USP34: variants seen among roughly 807,000 people sequenced by gnomAD.
USP34 encodes the protein ubiquitin carboxyl-terminal hydrolase 34.
In USP34, 70 loss-of-function variants were observed where a neutral mutation model predicts 460.3. The observed-to-expected ratio is 0.15, with a 90% confidence interval of 0.13 to 0.19. USP34 has a LOEUF of 0.19. USP34 is among the 10% of genes least tolerant of loss of function. The probability of loss-of-function intolerance (pLI) is 1.00; values close to 1 mark genes in which losing one functional copy is unlikely to be tolerated. For synonymous variants in USP34, 1,647 were observed against 1,405.3 expected (o/e 1.17, Z -3.85); for missense variants, 3,985 against 4,236.2 (o/e 0.94, Z 1.65).
intron 57 of USP34, among the ~76,000 whole-genome samples, chr2:61,234,671 C>A (rs1376842207): frequency 6.6e-6 from 1 of 152,126 alleles, no homozygotes; most frequent in African/African-American, 2.4e-5. Context: ...GACAGAGTCT[C>A]ACTCTGTCGC....
intron 78 of USP34, 139 bp from the exon 79 acceptor site, chr2:61,189,208 A>C: frequency 1.1e-6 from 1 of 897,062 alleles, no homozygotes; most frequent in South Asian, 2.0e-5. Context: ...GGATTCTTAG[A>C]ATGATAAAAC....
At chr2:61,431,026 A>G (rs1694661609) in intron 1 of USP34, among the ~76,000 whole-genome samples, 1 of 152,096 alleles carries the variant, frequency 6.6e-6, no homozygotes, top group Admixed American at 6.6e-5. Flanking sequence ...AATAGAAAAG[A>G]AATGAAACGA....
intron 67 of USP34, among the ~76,000 whole-genome samples, chr2:61,215,291 A>C (rs999576068): frequency 1.3e-5 from 2 of 152,238 alleles, no homozygotes; most frequent in Non-Finnish European, 2.9e-5. Context: ...ACACCAAAGG[A>C]AAGAACTGGG....
In USP34 at chr2:61,288,704, C is replaced by A. The variant is rs1260509354; in HGVS notation, c.4722G>T (p.Lys1574Asn). Residue 1574 changes from lysine (K) to asparagine (N), a missense_variant, in exon 34 of 80, where the codon AAG becomes AAT. Lys to Asn is a moderately conservative substitution (Grantham distance 94, BLOSUM62 0). Around this residue, in one of 14 missense-constraint regions of USP34, gnomAD observed 1,114 missense variants for 1,122.5 expected, o/e 0.99. Coordinates refer to ENST00000398571, the MANE Select transcript of USP34 (RefSeq NM_014709.4). Reference protein sequence around the residue: ...KSRKAAGDHAKGLHIPRLTEV... With the variant: ...KSRKAAGDHANGLHIPRLTEV... ...CTGTTAATCGTGGTATATGAAGACC[C>A]TTAGCATGATCACCAGCAGCCTTCC... 1 of 1,613,942 alleles carries A rather than the reference C, an allele frequency of 6.2e-7. No homozygotes were observed. The highest frequency in any genetic ancestry group is 8.5e-7 in the Non-Finnish European group (1 of 1,179,920).
chr2:61,462,154 G>A (rs190523139), intron 1 of USP34, among the ~76,000 whole-genome samples: 196 of 151,526 alleles, frequency 1.3e-3, no homozygotes, highest in Admixed American at 3.6e-3. Flanking sequence ...CAGGAAAATC[G>A]CTTGAACCCG....
At chr2:61,381,260 AAT>A (rs1475544238) in intron 6 of USP34, among the ~76,000 whole-genome samples, 1 of 126,480 alleles carries the variant, frequency 7.9e-6, no homozygotes, top group Non-Finnish European at 1.7e-5. Flanking sequence ...ACTAAAAAAA[AAT>A]AAAACACACA....
chr2:61,308,524 A>C (rs1380865637), intron 27 of USP34, among the ~76,000 whole-genome samples: 1 of 152,208 alleles, frequency 6.6e-6, no homozygotes, highest in East Asian at 1.9e-4. Context: ...GATATGTTCC[A>C]TAAGGAGAGA....
intron 49 of USP34, among the ~76,000 whole-genome samples, chr2:61,247,826 G>C (rs545856546): frequency 6.6e-6 from 1 of 151,926 alleles, no homozygotes; most frequent in Admixed American, 6.6e-5. Context: ...ACAGAGTCTC[G>C]CTCTGTCGCC....
chr2:61,189,091 C>T, intron 78 of USP34, 22 bp from the exon 79 acceptor site: 1 of 1,598,214 alleles, frequency 6.3e-7, no homozygotes, highest in East Asian at 2.2e-5. Flanking sequence ...CAGATAGGAA[C>T]ATTTCAAATT....
intron 2 of USP34, among the ~76,000 whole-genome samples, chr2:61,414,190 G>C (rs182687342): frequency 7.2e-5 from 11 of 151,920 alleles, no homozygotes; most frequent in Non-Finnish European, 1.5e-4. Flanking sequence ...AGGAGGCAGA[G>C]GATGCCGAGA....
chr2:61,345,267 G>T (rs1345905394), intron 15 of USP34, among the ~76,000 whole-genome samples: 1 of 134,588 alleles, frequency 7.4e-6, no homozygotes, highest in Non-Finnish European at 1.7e-5. Context: ...GAGTGTGACT[G>T]TGTTTAAAAA....
Position 61,338,563 on chromosome 2 carries a change from G to A in USP34, c.2744+788C>T, listed in dbSNP as rs535956712. ...ACAATCATAGCAGGCCTACACAGATGTGAGCAGAAAACAATATATTAATAA... is the reference window on the plus strand; with the variant it reads ...ACAATCATAGCAGGCCTACACAGATATGAGCAGAAAACAATATATTAATAA... On this transcript the variant is annotated intron_variant, in intron 18 of 79. Coordinates refer to ENST00000398571, the MANE Select transcript of USP34 (RefSeq NM_014709.4). Among the ~76,000 whole-genome samples, 23 of 152,296 alleles carry A rather than the reference G, an allele frequency of 1.5e-4. 1 individual carries two copies. In the South Asian group the frequency reaches 3.5e-3, roughly 23 times the overall value.
chr2:61,459,670 A>G (rs556994659), intron 1 of USP34, among the ~76,000 whole-genome samples: 1 of 151,588 alleles, frequency 6.6e-6, no homozygotes, highest in Admixed American at 6.6e-5. Context: ...CCAGCTACTC[A>G]GGAGGCTGAG....
chr2:61,220,425 A>G lies in USP34; in HGVS notation c.7932T>C (p.Asp2644=), dbSNP rs1687526364. 8 of 1,613,550 alleles carry G rather than the reference A, an allele frequency of 5.0e-6. No individual in the cohort carries two copies. The highest frequency in any genetic ancestry group is 2.7e-5 in the African/African-American group (2 of 74,906). ...VIEYNPSQCL[D]WLAVQTPRNK... is the part of the protein sequence containing the mutation. Reference sequence around the variant, plus strand: ...TTCGGGGTGTCTGCACTGCCAACCAATCTAGACACTGAGAAGGATTGTATT... The same window carrying G: ...TTCGGGGTGTCTGCACTGCCAACCAGTCTAGACACTGAGAAGGATTGTATT... The change falls in exon 67 of 80, where the codon GAT becomes GAC. Residue 2644 remains aspartate (D), a synonymous_variant. Coordinates refer to ENST00000398571, the MANE Select transcript of USP34 (RefSeq NM_014709.4).
chr2:61,187,929 GT>G lies in USP34; in HGVS notation c.*172del. 6 of 1,431,098 alleles carry G rather than the reference GT, an allele frequency of 4.2e-6. No homozygotes were observed. In the South Asian group the frequency reaches 6.5e-5, roughly 15 times the overall value. The allele number at this position is 1,431,098 out of a possible 1,614,324, so 88.6% of individuals were successfully genotyped here. ...TTTAGGAAGTATACTGAAGATGCAAGTTTTTTTCATCTGGAGTTCTGCCTGA... is the reference window on the plus strand; with the variant it reads ...TTTAGGAAGTATACTGAAGATGCAAGTTTTTTCATCTGGAGTTCTGCCTGA... On this transcript the variant is annotated 3_prime_UTR_variant, in exon 80 of 80. Coordinates refer to ENST00000398571, the MANE Select transcript of USP34 (RefSeq NM_014709.4).
intron 1 of USP34, among the ~76,000 whole-genome samples, chr2:61,436,421 G>A (rs920440172): frequency 6.6e-6 from 1 of 152,114 alleles, no homozygotes; most frequent in African/African-American, 2.4e-5. Flanking sequence ...ACATATATCA[G>A]ACAAAACAGA....
At chr2:61,280,179 A>G (rs933395838) in intron 39 of USP34, 65 bp downstream of exon 39, 31 of 944,238 alleles carry the variant, frequency 3.3e-5, no homozygotes, top group Non-Finnish European at 1.5e-6. Flanking sequence ...AGTCATGAAC[A>G]TATGTCATAA....
At position 61,301,291 on chromosome 2, in the gene USP34, C is replaced by T. The variant is rs369307308; in HGVS notation, c.3918+63G>A. 6.3e-5 allele frequency: 97 copies of T among 1,548,698 alleles called. 1 individual carries two copies. Among genetic ancestry groups the T allele is most frequent in the South Asian group, 5.3e-4 (45 of 84,592 alleles). The stretch of plus-strand genomic sequence containing the variant: ...AAGAGCTGTTTTTAAACTACATCTG[C>T]GACTATTCAACTGATGATTATAAAC... On this transcript the variant is annotated intron_variant, in intron 28 of 79. Coordinates refer to ENST00000398571, the MANE Select transcript of USP34 (RefSeq NM_014709.4).
chr2:61,430,960 G>A (rs532314139), intron 1 of USP34, among the ~76,000 whole-genome samples: 41 of 152,128 alleles, frequency 2.7e-4, no homozygotes, highest in Non-Finnish European at 4.7e-4. Context: ...AGCTATGATC[G>A]TGCGCCCCTG....
Sources: gnomAD v4.1 joint callset for allele counts (sites outside exome capture counted in the v4.1 genomes callset) on GRCh38, gnomAD v4.1.1 for gene constraint, gnomAD v4.1.1 regional missense constraint, MANE v1.5 for transcripts, NCBI Gene and HGNC (gene_info 2026-07-23, HGNC 2026-07-21) for gene names.